Variants in MAGEB2 observed in about 807,000 individuals in gnomAD.
MAGEB2 encodes the protein MAGE family member B2.
For synonymous variants in MAGEB2, 107 were observed against 96.2 expected, an observed-to-expected ratio of 1.11 and a Z score of -0.66; for missense variants, 365 against 243.2, an observed-to-expected ratio of 1.50 and a Z score of -3.33.
chrX:30,216,800 G>A lies in MAGEB2; in HGVS notation c.-6+1145G>A, dbSNP rs188984902. On this transcript the variant is annotated intron_variant, in intron 1 of 1. Transcript: ENST00000378988. The stretch of plus-strand genomic sequence containing the variant: ...CTCGGGAGGCTGAGGCAGGAGAATG[G>A]TGTGAACCTGGGAGGCGGAGTTTGC... Among the ~76,000 whole-genome samples the A allele has an allele frequency of 1.2e-3, 132 of 108,081 alleles. 2 individuals are homozygous for A. The East Asian group carries it at 0.032, about 26-fold the overall frequency. 93.9% of individuals were successfully genotyped at this position (108,081 alleles called of 115,157 possible).
intron 1 of MAGEB2, among the ~76,000 whole-genome samples, chrX:30,216,782 G>A (rs942191768): frequency 5.5e-5 from 6 of 108,543 alleles, no homozygotes; most frequent in African/African-American, 1.7e-4. Context: ...CTACTCGGGA[G>A]GCTGAGGCAG....
At chrX:30,216,084 A>G (rs139581506) in intron 1 of MAGEB2, among the ~76,000 whole-genome samples, 40 of 111,373 alleles carry the variant, frequency 3.6e-4, no homozygotes, top group African/African-American at 1.3e-3. Context: ...GCATCAACCT[A>G]AAACCTAACT....
rs770813074 is a variant in MAGEB2 at position 30,216,382 on chromosome X, A to G, written c.-6+727A>G. Among the ~76,000 whole-genome samples the G allele has an allele frequency of 6.3e-5, 7 of 111,554 alleles. No homozygotes were observed. In the Admixed American group the frequency reaches 6.6e-4, roughly 11 times the overall value. ...TCAGGGAGGTGAGGGTCTTGGTGTA[A>G]TGGGGTAGGTCTAATGCGACAGAGA... On this transcript the variant is annotated intron_variant, in intron 1 of 1. Transcript: ENST00000378988.
chrX:30,219,674 C>A lies in MAGEB2; in HGVS notation c.*134C>A. 1 of 547,959 alleles carries A rather than the reference C, an allele frequency of 1.8e-6. No individual in the cohort carries two copies. The highest frequency in any genetic ancestry group is 2.8e-6 in the Non-Finnish European group (1 of 361,172). 45.2% of individuals were successfully genotyped at this position (547,959 alleles called of 1,213,427 possible). A position where few individuals can be genotyped will look rare whatever the true frequency, so the allele number is the denominator to read the frequency against. ...TTTGTAATTCAAAAGGCCTGTTAAC[C>A]TTTGTTCTTGTTATGCATGAATAAC... On this transcript the variant is annotated 3_prime_UTR_variant, in exon 2 of 2. Transcript: ENST00000378988.
intron 1 of MAGEB2, among the ~76,000 whole-genome samples, chrX:30,216,009 G>A (rs1444145661): frequency 8.9e-6 from 1 of 111,949 alleles, no homozygotes; most frequent in Non-Finnish European, 1.9e-5. Context: ...GCAAAGCTGT[G>A]CCTGGAAAGT....
At position 30,218,936 on chromosome X, in the gene MAGEB2, T is replaced by C. The variant is rs1379820112; in HGVS notation, c.356T>C (p.Val119Ala). ...CTAACCAGGAAGTCAGGGTCGTTGG[T>C]GCAGTTCCTGTTGTACAAGTATAAA... The part of the protein sequence containing the change: ...DPLTRKSGSL[V>A]QFLLYKYKIK... The change falls in exon 2 of 2, where the codon GTG becomes GCG. Residue 119 changes from valine (V) to alanine (A), a missense_variant. Transcript: ENST00000378988. 8.3e-7 allele frequency: 1 copy of C among 1,210,646 alleles called. No individual in the cohort carries two copies. Among genetic ancestry groups the C allele is most frequent in the South Asian group, 1.8e-5 (1 of 56,576 alleles).
chrX:30,217,976 C>T (rs1054843182), intron 1 of MAGEB2, among the ~76,000 whole-genome samples: 5 of 111,878 alleles, frequency 4.5e-5, no homozygotes, highest in Non-Finnish European at 9.4e-5. Flanking sequence ...GGTGTAGCCA[C>T]CACTCAGCAG....
rs1924507619 is a variant in MAGEB2 at position 30,219,435 on chromosome X, G to C, written c.855G>C (p.Lys285Asn). ...WGPRAYAETS[K>N]MKVLEFLAKV... ...CGAGAGCCTATGCTGAAACCAGCAA[G>C]ATGAAAGTCCTGGAGTTTTTGGCCA... Residue 285 changes from lysine to asparagine, a missense_variant, in exon 2 of 2, where the codon AAG (lysine) becomes AAC (asparagine). Lys to Asn is a moderately conservative substitution (Grantham distance 94). Coordinates refer to ENST00000378988, the MANE Select transcript of MAGEB2 (RefSeq NM_002364.5). 1 of 1,210,155 alleles carries C rather than the reference G, an allele frequency of 8.3e-7. No homozygotes were observed. The highest frequency in any genetic ancestry group is 2.2e-5 in the Admixed American group (1 of 45,828).
rs1009107718 is a variant in MAGEB2 at position 30,218,504 on chromosome X, A to G, written c.-5-72A>G. On this transcript the variant is annotated intron_variant, in intron 1 of 1. Transcript: ENST00000378988. ...TGGGGTCTTCCAGCTGAAGGTGCTC[A>G]CAGATCTCATTCTCCCATCTCCAGG... 15 of 1,134,151 alleles carry G rather than the reference A, an allele frequency of 1.3e-5. No individual in the cohort carries two copies. In the African/African-American group the frequency reaches 2.6e-4, roughly 19 times the overall value. 93.5% of individuals were successfully genotyped at this position (1,134,151 alleles called of 1,213,427 possible).
Position 30,218,984 on chromosome X carries a change from G to A in MAGEB2, c.404G>A (p.Gly135Glu). ...KYKIKKSVTK[G>E]EMLKIVGKRF... is the part of the protein sequence containing the mutation. ...AAAATAAAAAAGTCCGTTACAAAGG[G>A]AGAAATGCTGAAAATTGTTGGCAAA... The change falls in exon 2 of 2, where the codon GGA becomes GAA. Residue 135 changes from glycine to glutamate, a missense_variant. Gly to Glu is a moderately conservative substitution (Grantham distance 98, BLOSUM62 -2). Transcript: ENST00000378988. 1 of 1,210,641 alleles carries A rather than the reference G, an allele frequency of 8.3e-7. No individual in the cohort carries two copies. The highest frequency in any genetic ancestry group is 1.1e-6 in the Non-Finnish European group (1 of 894,948).
chrX:30,219,560 C>G lies in MAGEB2; in HGVS notation c.*20C>G. ...GTCTGAGCCAGAGTTGTAGCCAGGCCTTGCACTACTGCCATAGCCAATCAA... is the reference window on the plus strand; with the variant it reads ...GTCTGAGCCAGAGTTGTAGCCAGGCGTTGCACTACTGCCATAGCCAATCAA... On this transcript the variant is annotated 3_prime_UTR_variant, in exon 2 of 2. Transcript: ENST00000378988. 2.6e-6 allele frequency: 3 copies of G among 1,167,593 alleles called. No homozygotes were observed. The highest frequency in any genetic ancestry group is 3.4e-6 in the Non-Finnish European group (3 of 870,150).
In MAGEB2 at chrX:30,219,497, A is replaced by C; in HGVS notation, c.917A>C (p.His306Pro). 1 of 1,207,482 alleles carries C rather than the reference A, an allele frequency of 8.3e-7. No individual in the cohort carries two copies. Among genetic ancestry groups the C allele is most frequent in the Non-Finnish European group, 1.1e-6 (1 of 893,464 alleles). The stretch of plus-strand genomic sequence containing the variant: ...ACCACCCCCTGTGCCTTCCCAACCC[A>C]TTACGAAGAAGCTTTGAAAGATGAA... ...NGTTPCAFPT[H>P]YEEALKDEEK... The change falls in exon 2 of 2, where the codon CAT becomes CCT. Residue 306 changes from histidine to proline, a missense_variant. Transcript: ENST00000378988.
intron 1 of MAGEB2, among the ~76,000 whole-genome samples, chrX:30,217,035 A>G (rs1924425761): frequency 9.0e-6 from 1 of 110,861 alleles, no homozygotes; most frequent in South Asian, 3.9e-4. Flanking sequence ...GTCAGCTCTG[A>G]GAGACCCCAG....
intron 1 of MAGEB2, among the ~76,000 whole-genome samples, chrX:30,216,885 T>TAAAAAAAAAAAAAAAA (rs1278361862): frequency 2.2e-5 from 2 of 89,320 alleles, no homozygotes; most frequent in African/African-American, 4.5e-5. Flanking sequence ...ACTCCGTCTC[T>TAAAAAAAAAAAAAAAA]TAAAAAAAAA....
At position 30,219,687 on chromosome X, in the gene MAGEB2, A is replaced by G; in HGVS notation, c.*147A>G. 2.2e-6 allele frequency: 1 copy of G among 449,735 alleles called. No individual in the cohort carries two copies. The highest frequency in any genetic ancestry group is 3.5e-6 in the Non-Finnish European group (1 of 281,881). The allele number at this position is 449,735 out of a possible 1,213,427, so 37.1% of individuals were successfully genotyped here. A position where few individuals can be genotyped will look rare whatever the true frequency, so the allele number is the denominator to read the frequency against. On this transcript the variant is annotated 3_prime_UTR_variant, in exon 2 of 2. Coordinates refer to ENST00000378988, the MANE Select transcript of MAGEB2 (RefSeq NM_002364.5). ...AGGCCTGTTAACCTTTGTTCTTGTTATGCATGAATAACTTGTTGACTTTTT... is the reference window on the plus strand; with the variant it reads ...AGGCCTGTTAACCTTTGTTCTTGTTGTGCATGAATAACTTGTTGACTTTTT...
chrX:30,217,137 A>G (rs980994400), intron 1 of MAGEB2, among the ~76,000 whole-genome samples: 1 of 111,529 alleles, frequency 9.0e-6, no homozygotes. Flanking sequence ...TCACTTGTCA[A>G]CAGAAGTAAT....
Position 30,218,779 on chromosome X carries a change from ACCACTG to A in MAGEB2, c.202_207del (p.Thr68_Ala69del). On this transcript the variant is annotated inframe_deletion, in exon 2 of 2. Transcript: ENST00000378988. The stretch of plus-strand genomic sequence containing the variant: ...TCCCCAGGAGCCTCAGAGAGCCCCA[ACCACTG>A]CCGCTGCTGCGGCTGCGGGTGTTTC... The A allele has an allele frequency of 8.4e-7, 1 of 1,190,955 alleles. No individual in the cohort carries two copies. Among genetic ancestry groups the A allele is most frequent in the Non-Finnish European group, 1.1e-6 (1 of 884,530 alleles).
Position 30,219,208 on chromosome X carries a change from G to A in MAGEB2, c.628G>A (p.Val210Met), listed in dbSNP as rs1181737408. Reference protein sequence around the residue: ...RRKLLMPLLGVIFLNGNSATE... With the variant: ...RRKLLMPLLGMIFLNGNSATE... ...AAAGCTTCTGATGCCTCTCCTGGGTGTGATCTTCTTAAATGGCAACTCAGC... is the reference window on the plus strand; with the variant it reads ...AAAGCTTCTGATGCCTCTCCTGGGTATGATCTTCTTAAATGGCAACTCAGC... Residue 210 changes from valine (V) to methionine (M), a missense_variant, in exon 2 of 2, where the codon GTG becomes ATG. Val to Met is a conservative substitution (Grantham distance 21). Coordinates refer to ENST00000378988, the MANE Select transcript of MAGEB2 (RefSeq NM_002364.5). The A allele has an allele frequency of 3.3e-6, 4 of 1,208,757 alleles. No individual in the cohort carries two copies. In the African/African-American group the frequency reaches 5.3e-5, roughly 16 times the overall value.
chrX:30,218,955 G>A lies in MAGEB2; in HGVS notation c.375G>A (p.Lys125=), dbSNP rs760996564. The change falls in exon 2 of 2, where the codon AAG becomes AAA. Residue 125 remains lysine (K), a synonymous_variant. Coordinates refer to ENST00000378988, the MANE Select transcript of MAGEB2 (RefSeq NM_002364.5). Reference sequence around the variant, plus strand: ...CGTTGGTGCAGTTCCTGTTGTACAAGTATAAAATAAAAAAGTCCGTTACAA... The same window carrying A: ...CGTTGGTGCAGTTCCTGTTGTACAAATATAAAATAAAAAAGTCCGTTACAA... ...SGSLVQFLLY[K]YKIKKSVTKG... 8.3e-7 allele frequency: 1 copy of A among 1,209,067 alleles called. No individual in the cohort carries two copies. The highest frequency in any genetic ancestry group is 1.7e-5 in the African/African-American group (1 of 57,254).
Sources: allele counts gnomAD v4.1 joint callset (sites outside exome capture counted in the v4.1 genomes callset), GRCh38; gene constraint gnomAD v4.1.1; transcripts MANE v1.5; gene names NCBI Gene and HGNC (gene_info 2026-07-23, HGNC 2026-07-21).